Variants in MGLL observed in about 807,000 individuals in gnomAD.
MGLL encodes the protein lysophospholipase homolog.
In MGLL, 7 loss-of-function variants were observed where a neutral mutation model predicts 29.1. That is an observed-to-expected ratio of 0.24 (90% confidence interval 0.14 to 0.45). The LOEUF is 0.45. Ranked by LOEUF, MGLL falls within the 20% of genes least tolerant of loss-of-function variation. MGLL has a pLI of 0.99. For missense variants in MGLL, 356 were observed against 413.6 expected (o/e 0.86, Z 1.21); for synonymous variants, 148 against 168.3 (o/e 0.88, Z 0.93).
intron 6 of MGLL, among the ~76,000 whole-genome samples, chr3:127,707,529 C>G (rs1334198584): frequency 2.6e-5 from 4 of 152,214 alleles, no homozygotes; most frequent in Non-Finnish European, 5.9e-5. Context: ...TAATAAATGT[C>G]TGTGTAGCAA....
chr3:127,710,817 T>A, intron 5 of MGLL, 152 bp from the exon 6 acceptor site: 1 of 712,500 alleles, frequency 1.4e-6, no homozygotes, highest in South Asian at 1.5e-5. Flanking sequence ...TAAGCCTGCA[T>A]GCCCAAGGAC....
chr3:127,745,149 C>T (rs1053866097), intron 3 of MGLL, among the ~76,000 whole-genome samples: 45 of 152,172 alleles, frequency 3.0e-4, no homozygotes, highest in African/African-American at 1.0e-3. Context: ...CAGTGAAAGC[C>T]GCCATCGGGG....
chr3:127,740,501 C>A (rs146756514), intron 3 of MGLL, among the ~76,000 whole-genome samples: 4 of 152,260 alleles, frequency 2.6e-5, no homozygotes, highest in African/African-American at 7.2e-5. Context: ...GGACCCAGGT[C>A]GCCGTTTGCT....
intron 5 of MGLL, among the ~76,000 whole-genome samples, chr3:127,716,181 G>A (rs561957616): frequency 3.9e-5 from 6 of 152,358 alleles, no homozygotes; most frequent in South Asian, 4.1e-4. Context: ...AGGGACAGGC[G>A]ATGAAATGGA....
At chr3:127,719,722 G>A (rs586400) in intron 5 of MGLL, among the ~76,000 whole-genome samples, 8,352 of 152,202 alleles carry the variant, frequency 0.055, 653 homozygotes, top group East Asian at 0.33. Flanking sequence ...GTGCACATCC[G>A]GGCATTGTGA....
chr3:127,722,343 G>A (rs1290929485), intron 4 of MGLL, 87 bp downstream of exon 4: 4 of 1,561,538 alleles, frequency 2.6e-6, no homozygotes, highest in Non-Finnish European at 3.5e-6. Flanking sequence ...GAGAGCAGTG[G>A]GGGGCAGGAA....
chr3:127,709,996 C>T (rs1346977898), intron 6 of MGLL, among the ~76,000 whole-genome samples: 1 of 152,194 alleles, frequency 6.6e-6, no homozygotes, highest in Admixed American at 6.5e-5. Context: ...GATGATACTA[C>T]CCCCCTTTCC....
chr3:127,709,395 G>T (rs897683171), intron 6 of MGLL, among the ~76,000 whole-genome samples: 1 of 152,198 alleles, frequency 6.6e-6, no homozygotes, highest in Non-Finnish European at 1.5e-5. Flanking sequence ...TCACCAGTCT[G>T]ATTTTTAAGC....
chr3:127,802,927 G>A (rs908523696), intron 2 of MGLL, among the ~76,000 whole-genome samples: 36 of 152,014 alleles, frequency 2.4e-4, no homozygotes, highest in African/African-American at 8.5e-4. Context: ...GACTGACCTC[G>A]CTTCTGTGCA....
chr3:127,821,202 T>C (rs773601662), intron 2 of MGLL, among the ~76,000 whole-genome samples: 16 of 152,200 alleles, frequency 1.1e-4, no homozygotes, highest in Non-Finnish European at 2.2e-4. Flanking sequence ...TACAAAGTAA[T>C]TGAGCTGGCA....
chr3:127,713,035 G>A (rs2075749245), intron 5 of MGLL: 2 of 152,338 alleles, frequency 1.3e-5, no homozygotes, highest in Non-Finnish European at 2.9e-5. Flanking sequence ...GCTGTGTAAG[G>A]ACGAGTGTTC....
chr3:127,732,804 T>C (rs2076174404), intron 3 of MGLL, among the ~76,000 whole-genome samples: 1 of 152,148 alleles, frequency 6.6e-6, no homozygotes, highest in South Asian at 2.1e-4. Flanking sequence ...CCACAACAAA[T>C]GGCAGCCAAT....
intron 6 of MGLL, among the ~76,000 whole-genome samples, chr3:127,707,354 T>G (rs1490990162): frequency 6.6e-6 from 1 of 152,030 alleles, no homozygotes; most frequent in Non-Finnish European, 1.5e-5. Context: ...CCTCCTCACC[T>G]CCTCCCACAG....
At chr3:127,749,230 C>CTATT in intron 3 of MGLL, among the ~76,000 whole-genome samples, 1 of 152,338 alleles carries the variant, frequency 6.6e-6, no homozygotes, top group Middle Eastern at 3.4e-3. Context: ...CTCAACTCTT[C>CTATT]TATTTATTTA....
At chr3:127,717,653 G>A (rs2075840796) in intron 5 of MGLL, among the ~76,000 whole-genome samples, 2 of 152,134 alleles carry the variant, frequency 1.3e-5, no homozygotes, top group East Asian at 1.9e-4. Flanking sequence ...ACAGGGAGAG[G>A]TCATTTAGAA....
At chr3:127,738,255 T>G (rs2076278659) in intron 3 of MGLL, among the ~76,000 whole-genome samples, 1 of 151,956 alleles carries the variant, frequency 6.6e-6, no homozygotes, top group African/African-American at 2.4e-5. Context: ...GAGCCGTGAT[T>G]TCACCACTGC....
intron 3 of MGLL, among the ~76,000 whole-genome samples, chr3:127,754,304 T>C (rs2076616570): frequency 6.6e-6 from 1 of 152,106 alleles, no homozygotes; most frequent in African/African-American, 2.4e-5. Flanking sequence ...TCTCTCCCTT[T>C]TAGGGAATCA....
chr3:127,794,738 T>C, intron 2 of MGLL, among the ~76,000 whole-genome samples: 1 of 152,226 alleles, frequency 6.6e-6, no homozygotes, highest in Admixed American at 6.5e-5. Context: ...GACTCTCTTC[T>C]CTGATGTAAG....
intron 7 of MGLL, among the ~76,000 whole-genome samples, chr3:127,693,335 C>T (rs747174555): frequency 7.9e-5 from 12 of 152,150 alleles, no homozygotes; most frequent in Admixed American, 2.6e-4. Flanking sequence ...CCCAAGGCCA[C>T]GGGGGGATGC....
Sources: allele counts gnomAD v4.1 joint callset (sites outside exome capture counted in the v4.1 genomes callset), GRCh38; gene constraint gnomAD v4.1.1; transcripts MANE v1.5; gene names NCBI Gene and HGNC (gene_info 2026-07-23, HGNC 2026-07-21).